The following PRSS12 variants were observed in gnomAD, a reference collection of about 807,000 sequenced individuals.
The protein encoded by PRSS12 is neurotrypsin.
Under a neutral mutation model 104.4 loss-of-function variants are expected in PRSS12, and 85 were observed. That is an observed-to-expected ratio of 0.81 (90% CI 0.68 to 0.98). The LOEUF is 0.98. Among genes scored for constraint, PRSS12 ranks in the 50% least tolerant of loss-of-function variants. The pLI is 0.00. For synonymous variants in PRSS12, 454 were observed against 425.2 expected, an observed-to-expected ratio of 1.07 and a Z score of -0.83; for missense variants, 1,141 against 1,139.2, an observed-to-expected ratio of 1.00 and a Z score of -0.02.
chr4:118,295,738 A>G, intron 10 of PRSS12, 40 bp downstream of exon 10: 1 of 1,543,262 alleles, frequency 6.5e-7, no homozygotes, highest in Non-Finnish European at 9.0e-7. Flanking sequence ...TATATAAATA[A>G]TTCTGTAATA....
intron 1 of PRSS12, among the ~76,000 whole-genome samples, chr4:118,339,980 T>C (rs1236651106): frequency 6.6e-6 from 1 of 152,216 alleles, no homozygotes; most frequent in Non-Finnish European, 1.5e-5. Flanking sequence ...GGCTGGAAGA[T>C]AGTTCTAGTA....
chr4:118,343,742 A>G (rs921671490), intron 1 of PRSS12, among the ~76,000 whole-genome samples: 1 of 152,150 alleles, frequency 6.6e-6, no homozygotes, highest in Non-Finnish European at 1.5e-5. Context: ...AGCAACAAAG[A>G]AAGACCCTGT....
intron 3 of PRSS12, 104 bp from the exon 4 acceptor site, chr4:118,331,970 A>G (rs1163519703): frequency 7.0e-7 from 1 of 1,423,020 alleles, no homozygotes; most frequent in Non-Finnish European, 9.7e-7. Flanking sequence ...ATTAAATAAT[A>G]TTTATAAAGC....
rs767750013 is a variant in PRSS12 at position 118,282,999 on chromosome 4, A to G, written c.2152T>C (p.Tyr718His). 3 of 1,613,972 alleles carry G rather than the reference A, an allele frequency of 1.9e-6. No homozygotes were observed. Among genetic ancestry groups the G allele is most frequent in the South Asian group, 2.2e-5 (2 of 91,070 alleles). The stretch of plus-strand genomic sequence containing the variant: ...TCATAATCACTGCGGTCGGGTCGAT[A>G]CTCCCGATGAATCACAATCTGTTGA... ...GVQQIVIHRE[Y>H]RPDRSDYDIA... Residue 718 changes from tyrosine to histidine, a missense_variant, in exon 12 of 13, where the codon TAT (tyrosine) becomes CAT (histidine). By Grantham distance (83) the Tyr-to-His change is moderately conservative (BLOSUM62 2). Coordinates refer to ENST00000296498, the MANE Select transcript of PRSS12 (RefSeq NM_003619.4).
chr4:118,347,488 C>A (rs1273986952), intron 1 of PRSS12, among the ~76,000 whole-genome samples: 1 of 152,138 alleles, frequency 6.6e-6, no homozygotes, highest in Non-Finnish European at 1.5e-5. Flanking sequence ...TCCAGAATCT[C>A]AATGATTAAA....
chr4:118,298,412 T>C (rs1335026124), intron 9 of PRSS12, among the ~76,000 whole-genome samples: 1 of 152,176 alleles, frequency 6.6e-6, no homozygotes, highest in Non-Finnish European at 1.5e-5. Flanking sequence ...TTATCAATTC[T>C]GAATCTTCAA....
rs192713545 is a variant in PRSS12 at position 118,341,590 on chromosome 4, G to A, written c.503-3276C>T. ...CCAGCTACTTGGGAGGCTGAAGCAG[G>A]AGAATCACTTGAACCCGGGAGGCTG... On this transcript the variant is annotated intron_variant, in intron 1 of 12. Transcript: ENST00000296498. Among the ~76,000 whole-genome samples the A allele has an allele frequency of 3.2e-3, 487 of 152,188 alleles. 2 individuals carry two copies. Among genetic ancestry groups the A allele is most frequent in the African/African-American group, 0.011 (462 of 41,516 alleles).
At chr4:118,299,938 G>A (rs1354184162) in intron 8 of PRSS12, among the ~76,000 whole-genome samples, 5 of 148,404 alleles carry the variant, frequency 3.4e-5, no homozygotes, top group South Asian at 2.1e-4. Context: ...CTGAGATCAC[G>A]CCGTTGCGCT....
chr4:118,338,526 C>T (rs557241073), intron 1 of PRSS12, among the ~76,000 whole-genome samples: 105 of 152,086 alleles, frequency 6.9e-4, no homozygotes, highest in Non-Finnish European at 1.3e-3. Flanking sequence ...GACGTCAATG[C>T]TAATTATATT....
intron 4 of PRSS12, among the ~76,000 whole-genome samples, chr4:118,320,233 C>T (rs1448366607): frequency 6.6e-6 from 1 of 151,934 alleles, no homozygotes; most frequent in Non-Finnish European, 1.5e-5. Flanking sequence ...ATTTTAGCTG[C>T]TCTTTTCTTA....
chr4:118,319,683 T>C (rs1006689965), intron 4 of PRSS12, among the ~76,000 whole-genome samples: 24 of 152,124 alleles, frequency 1.6e-4, no homozygotes, highest in African/African-American at 5.8e-4. Flanking sequence ...TTTTTTAATG[T>C]TGTTGTTATT....
chr4:118,312,775 A>T (rs990400835), intron 7 of PRSS12, among the ~76,000 whole-genome samples: 3 of 152,160 alleles, frequency 2.0e-5, no homozygotes, highest in African/African-American at 7.2e-5. Flanking sequence ...ACAAGGCTTC[A>T]GGACTAGAGA....
At chr4:118,291,655 G>A (rs189780324) in intron 11 of PRSS12, among the ~76,000 whole-genome samples, 5 of 152,144 alleles carry the variant, frequency 3.3e-5, no homozygotes, top group Non-Finnish European at 7.4e-5. Context: ...ACTGAGCACA[G>A]TTCTCTGTTT....
intron 10 of PRSS12, among the ~76,000 whole-genome samples, chr4:118,295,562 C>T (rs774235468): frequency 6.6e-6 from 1 of 152,184 alleles, no homozygotes; most frequent in African/African-American, 2.4e-5. Context: ...TTTTCAGCAA[C>T]ACATCTAATC....
At chr4:118,328,286 T>C (rs990210775) in intron 4 of PRSS12, among the ~76,000 whole-genome samples, 3 of 152,208 alleles carry the variant, frequency 2.0e-5, no homozygotes, top group African/African-American at 4.8e-5. Flanking sequence ...CAAATCTCTA[T>C]AAAGCTGGAT....
At chr4:118,351,948 GACAGAGC>G (rs1179170863) in intron 1 of PRSS12, among the ~76,000 whole-genome samples, 5 of 152,034 alleles carry the variant, frequency 3.3e-5, no homozygotes, top group African/African-American at 1.2e-4. Context: ...GTGGCCAGAG[GACAGAGC>G]AAATTCAGAA....
At chr4:118,343,821 C>T (rs768452748) in intron 1 of PRSS12, among the ~76,000 whole-genome samples, 4 of 152,110 alleles carry the variant, frequency 2.6e-5, no homozygotes, top group Non-Finnish European at 5.9e-5. Context: ...AAATAGCATT[C>T]CTTAATTTAA....
At chr4:118,282,762 T>C (rs976086414) in intron 12 of PRSS12, 69 bp downstream of exon 12, 25 of 1,600,618 alleles carry the variant, frequency 1.6e-5, no homozygotes, top group African/African-American at 1.3e-5. Flanking sequence ...TTATTGCCCA[T>C]TGCACACCCA....
chr4:118,331,173 G>T (rs1723907876), intron 4 of PRSS12, among the ~76,000 whole-genome samples: 1 of 152,116 alleles, frequency 6.6e-6, no homozygotes, highest in Admixed American at 6.6e-5. Flanking sequence ...TAATACTCCA[G>T]AATAATCCCA....
Sources: gnomAD v4.1 joint callset for allele counts (sites outside exome capture counted in the v4.1 genomes callset) on GRCh38, gnomAD v4.1.1 for gene constraint, MANE v1.5 for transcripts, NCBI Gene and HGNC (gene_info 2026-07-23, HGNC 2026-07-21) for gene names.